Variants in ENTREP2 observed in about 807,000 individuals in gnomAD.
ENTREP2 encodes the protein endosomal transmembrane epsin interactor 2.
At chr15:29,232,802 G>A in the ENTREP2 span, among the ~76,000 whole-genome samples, 44 of 152,256 alleles carry the variant, frequency 2.9e-4, no homozygotes, top group African/African-American at 9.6e-4. Context: ...GTGCCACCAC[G>A]TCCAGCTATC....
At chr15:29,655,750 G>C in the ENTREP2 span, among the ~76,000 whole-genome samples, 1 of 152,052 alleles carries the variant, frequency 6.6e-6, no homozygotes, top group Non-Finnish European at 1.5e-5. Flanking sequence ...AACAAACCGG[G>C]CACAGTGGCC....
At chr15:29,242,800 C>T in the ENTREP2 span, among the ~76,000 whole-genome samples, 1 of 152,204 alleles carries the variant, frequency 6.6e-6, no homozygotes, top group Non-Finnish European at 1.5e-5. Flanking sequence ...AGCTGGGGAG[C>T]CCCTTGGACG....
chr15:29,272,826 C>T, the ENTREP2 span, among the ~76,000 whole-genome samples: 1 of 152,280 alleles, frequency 6.6e-6, no homozygotes, highest in African/African-American at 2.4e-5. Context: ...GTTTTCAGCC[C>T]TCTGACATCA....
the ENTREP2 span, among the ~76,000 whole-genome samples, chr15:29,359,347 G>A: frequency 5.3e-5 from 8 of 152,184 alleles, no homozygotes; most frequent in South Asian, 2.1e-4. Context: ...GATATCACAC[G>A]TTTAAGAAAG....
At chr15:29,507,177 T>TA in the ENTREP2 span, among the ~76,000 whole-genome samples, 13 of 152,118 alleles carry the variant, frequency 8.5e-5, no homozygotes, top group Admixed American at 2.6e-4. Flanking sequence ...TACATAATGG[T>TA]AAAAGAATCA....
the ENTREP2 span, among the ~76,000 whole-genome samples, chr15:29,356,288 ATATATATATTTTTT>A: frequency 1.9e-5 from 1 of 52,060 alleles, no homozygotes; most frequent in African/African-American, 1.0e-4. Context: ...ATATATATAT[ATATATATATTTTTT>A]TTTTTTTTTT....
At chr15:29,159,553 G>C in the ENTREP2 span, among the ~76,000 whole-genome samples, 8 of 152,150 alleles carry the variant, frequency 5.3e-5, no homozygotes, top group Non-Finnish European at 1.0e-4. Context: ...ATTTTACAGA[G>C]AGCTGATTGG....
At chr15:29,353,877 TA>T in the ENTREP2 span, among the ~76,000 whole-genome samples, 9 of 152,196 alleles carry the variant, frequency 5.9e-5, no homozygotes, top group South Asian at 1.9e-3. Context: ...CAGTAAGAAA[TA>T]GAGTCTGTAC....
the ENTREP2 span, among the ~76,000 whole-genome samples, chr15:29,400,011 T>C: frequency 1.3e-5 from 2 of 152,190 alleles, no homozygotes; most frequent in Non-Finnish European, 2.9e-5. Flanking sequence ...TTTAAACGCA[T>C]GTTGTTCAAG....
At chr15:29,530,724 T>C in the ENTREP2 span, among the ~76,000 whole-genome samples, 3 of 152,226 alleles carry the variant, frequency 2.0e-5, no homozygotes, top group Non-Finnish European at 4.4e-5. Flanking sequence ...ACATACATTA[T>C]TTTCAGTGAA....
chr15:29,393,574 G>A, the ENTREP2 span, among the ~76,000 whole-genome samples: 1 of 152,132 alleles, frequency 6.6e-6, no homozygotes, highest in Admixed American at 6.5e-5. Context: ...GATCTGCAAT[G>A]CATCAAGGAG....
At chr15:29,607,331 C>G in the ENTREP2 span, among the ~76,000 whole-genome samples, 3 of 144,520 alleles carry the variant, frequency 2.1e-5, no homozygotes, top group Admixed American at 1.4e-4. Flanking sequence ...TCTTATTTCA[C>G]CTTTTATGTC....
chr15:29,475,054 G>A, the ENTREP2 span, among the ~76,000 whole-genome samples: 3,881 of 152,020 alleles, frequency 0.026, 155 homozygotes, highest in African/African-American at 0.09. Context: ...AATAGATTCT[G>A]GCCCTCCACC....
At chr15:29,608,346 C>T in the ENTREP2 span, among the ~76,000 whole-genome samples, 4 of 151,938 alleles carry the variant, frequency 2.6e-5, no homozygotes, top group African/African-American at 9.7e-5. Flanking sequence ...GATTTGCTGG[C>T]TGTTTCTTTC....
chr15:29,453,278 A>T, the ENTREP2 span, among the ~76,000 whole-genome samples: 2 of 152,332 alleles, frequency 1.3e-5, no homozygotes, highest in Non-Finnish European at 2.9e-5. Context: ...CGGTGCTGCA[A>T]GGCACGGCAG....
the ENTREP2 span, among the ~76,000 whole-genome samples, chr15:29,285,368 C>T: frequency 4.6e-5 from 7 of 152,170 alleles, no homozygotes; most frequent in Admixed American, 4.6e-4. Context: ...CTTTCTTGTG[C>T]TCTCTCAGAA....
chr15:29,621,391 CG>C, the ENTREP2 span, among the ~76,000 whole-genome samples: 4 of 151,262 alleles, frequency 2.6e-5, no homozygotes, highest in South Asian at 6.3e-4. Flanking sequence ...GGCGTGGTGG[CG>C]GGCGCCTGTA....
At chr15:29,244,533 G>A in the ENTREP2 span, among the ~76,000 whole-genome samples, 6 of 152,152 alleles carry the variant, frequency 3.9e-5, no homozygotes, top group Non-Finnish European at 7.4e-5. Flanking sequence ...TCCTTTTCTC[G>A]GACACTGCAG....
the ENTREP2 span, among the ~76,000 whole-genome samples, chr15:29,291,182 C>A: frequency 1.4e-4 from 22 of 152,308 alleles, no homozygotes; most frequent in South Asian, 4.6e-3. Flanking sequence ...AAGAGCTATC[C>A]AGTCCATACT....
Sources: allele counts gnomAD v4.1 joint callset (sites outside exome capture counted in the v4.1 genomes callset), GRCh38; gene constraint gnomAD v4.1.1; transcripts MANE v1.5; gene names NCBI Gene and HGNC (gene_info 2026-07-23, HGNC 2026-07-21).